The following FANCA variants were observed in gnomAD, a reference collection of about 807,000 sequenced individuals.
FANCA encodes the protein Fanconi anemia group A protein.
Under a neutral mutation model 194.3 loss-of-function variants are expected in FANCA, and 236 were observed. The ratio of observed to expected loss-of-function variants is 1.21; its 90% CI spans 1.09 to 1.35. The LOEUF is 1.35. Among genes scored for constraint, FANCA ranks in the 40% most tolerant of loss-of-function variants. The pLI, the probability that FANCA is intolerant of heterozygous loss-of-function variation, is 0.00. For synonymous variants in FANCA, 1,014 were observed against 715.8 expected, an observed-to-expected ratio of 1.42 and a Z score of -6.65; for missense variants, 2,628 against 1,813.9, an observed-to-expected ratio of 1.45 and a Z score of -8.15.
At position 89,738,492 on chromosome 16, in the gene FANCA, G is replaced by A. The variant is rs55679217; in HGVS notation, c.*109C>T. The A allele has an allele frequency of 6.5e-5, 100 of 1,529,682 alleles. No homozygotes were observed. In the East Asian group the frequency reaches 2.3e-3, roughly 35 times the overall value. The allele number at this position is 1,529,682 out of a possible 1,614,324, so 94.8% of individuals were successfully genotyped here. A position where few individuals can be genotyped will look rare whatever the true frequency, so the allele number is the denominator to read the frequency against. ...ATAATTGATTCCTTTCCCCACTAAA[G>A]CAGTCGAGGAGATTTGTAATCCACT... On this transcript the variant is annotated 3_prime_UTR_variant, in exon 43 of 43. Transcript: ENST00000389301.
At chr16:89,761,837 G>A (rs1250236337) in intron 29 of FANCA, 112 bp downstream of exon 29, 2 of 854,982 alleles carry the variant, frequency 2.3e-6, no homozygotes, top group East Asian at 2.4e-5. Flanking sequence ...TGTTGCCCAG[G>A]CTGACCTCAA....
intron 21 of FANCA, among the ~76,000 whole-genome samples, chr16:89,774,012 G>A (rs2039411366): frequency 6.6e-6 from 1 of 152,002 alleles, no homozygotes; most frequent in East Asian, 1.9e-4. Context: ...CTCATGATTT[G>A]CCCGCCTTGG....
rs371919426 is a variant in FANCA at position 89,778,865 on chromosome 16, G to A, written c.1777-15C>T. The A allele has an allele frequency of 5.6e-6, 9 of 1,613,950 alleles. No homozygotes were observed. In the Middle Eastern group the frequency reaches 1.2e-3, roughly 207 times the overall value. On this transcript the variant is annotated splice_polypyrimidine_tract_variant and intron_variant, in intron 19 of 42. Coordinates refer to ENST00000389301, the MANE Select transcript of FANCA (RefSeq NM_000135.4). ...ACTTTGGGGAGCTGTGGGAAGAGAA[G>A]AGACCTGTGAGAGACTGACAAGGAA...
chr16:89,793,600 C>G (rs931711519), intron 11 of FANCA, among the ~76,000 whole-genome samples: 2 of 152,092 alleles, frequency 1.3e-5, no homozygotes, highest in African/African-American at 4.8e-5. Context: ...TTGCCGCCCA[C>G]AGGTTTTGTT....
chr16:89,752,704 G>A (rs2038638647), intron 30 of FANCA, among the ~76,000 whole-genome samples: 1 of 152,236 alleles, frequency 6.6e-6, no homozygotes, highest in South Asian at 2.1e-4. Flanking sequence ...ATACTGAGGT[G>A]TGACCAGAAG....
At position 89,782,861 on chromosome 16, in the gene FANCA, C is replaced by T. The variant is rs2039767352; in HGVS notation, c.1624G>A (p.Glu542Lys). 14 of 1,612,478 alleles carry T rather than the reference C, an allele frequency of 8.7e-6. No homozygotes were observed. The highest frequency in any genetic ancestry group is 1.2e-5 in the Non-Finnish European group (14 of 1,178,580). Reference protein sequence around the residue: ...EDLSSAGDITEPHSQALQDVE... With the variant: ...EDLSSAGDITKPHSQALQDVE... Reference sequence around the variant, plus strand: ...CTGCAGGGCTCAAGCAACATTACCTCAGTAATGTCCCCAGCTGATGACAAA... The same window carrying T: ...CTGCAGGGCTCAAGCAACATTACCTTAGTAATGTCCCCAGCTGATGACAAA... The change falls in exon 17 of 43, where the codon GAG becomes AAG. Residue 542 changes from glutamate (E) to lysine (K), a missense_variant and splice_region_variant. Physicochemically the swap from Glu to Lys is moderately conservative, Grantham distance 56. Coordinates refer to ENST00000389301, the MANE Select transcript of FANCA (RefSeq NM_000135.4).
Position 89,737,969 on chromosome 16 carries a change from C to G in FANCA, c.*632G>C, listed in dbSNP as rs780907579. On this transcript the variant is annotated 3_prime_UTR_variant, in exon 43 of 43. Coordinates refer to ENST00000389301, the MANE Select transcript of FANCA (RefSeq NM_000135.4). Reference sequence around the variant, plus strand: ...CTCGCACCTTCTTATCTGCCTCTGTCCCCCAGGTGTGAGGTCTGTGGGTTC... The same window carrying G: ...CTCGCACCTTCTTATCTGCCTCTGTGCCCCAGGTGTGAGGTCTGTGGGTTC... 6.2e-7 allele frequency: 1 copy of G among 1,613,960 alleles called. No individual in the cohort carries two copies. The highest frequency in any genetic ancestry group is 8.5e-7 in the Non-Finnish European group (1 of 1,179,982).
rs369254325 is a variant in FANCA, at chr16:89,812,715, A to G, written c.284-1644T>C. The stretch of plus-strand genomic sequence containing the variant: ...CCTGTTATTGTAATGTACTGGCTCT[A>G]AAAACACATTATCAATACATAAGTA... On this transcript the variant is annotated intron_variant, in intron 3 of 42. Coordinates refer to ENST00000389301, the MANE Select transcript of FANCA (RefSeq NM_000135.4). 8.0e-5 allele frequency among the ~76,000 whole-genome samples: 12 copies of G among 150,788 alleles called. No individual in the cohort carries two copies. The East Asian group carries it at 2.0e-3, about 25-fold the overall frequency.
At chr16:89,741,250 C>G (rs1022458775) in intron 37 of FANCA, among the ~76,000 whole-genome samples, 1 of 152,196 alleles carries the variant, frequency 6.6e-6, no homozygotes, top group Non-Finnish European at 1.5e-5. Context: ...TAAAGTAGGG[C>G]CTGACTGGGC....
chr16:89,776,960 C>T (rs1314292805), intron 20 of FANCA, among the ~76,000 whole-genome samples: 7 of 152,076 alleles, frequency 4.6e-5, no homozygotes, highest in Non-Finnish European at 8.8e-5. Context: ...ATTTGTAATC[C>T]CAGCACTTTG....
chr16:89,814,697 C>A (rs1355907684), intron 2 of FANCA, 84 bp from the exon 3 acceptor site: 3 of 965,476 alleles, frequency 3.1e-6, no homozygotes, highest in African/African-American at 1.6e-5. Flanking sequence ...AATCCCAGTA[C>A]TTTGGGAGGC....
rs147112289 is a variant in FANCA, at chr16:89,756,171, T to C, written c.2981+2406A>G. Among the ~76,000 whole-genome samples, 26 of 152,306 alleles carry C rather than the reference T, an allele frequency of 1.7e-4. No individual in the cohort carries two copies. The East Asian group carries it at 4.8e-3, about 28-fold the overall frequency. Reference sequence around the variant, plus strand: ...AACCAGAACATTCTTATGCAGTACATGAATGTGACCCAGTTTTCAAATGGG... The same window carrying C: ...AACCAGAACATTCTTATGCAGTACACGAATGTGACCCAGTTTTCAAATGGG... On this transcript the variant is annotated intron_variant, in intron 30 of 42. Transcript: ENST00000389301.
chr16:89,801,998 G>A (rs2040472660), intron 8 of FANCA, among the ~76,000 whole-genome samples: 1 of 152,174 alleles, frequency 6.6e-6, no homozygotes, highest in African/African-American at 2.4e-5. Flanking sequence ...AGAGACATCT[G>A]TACTCCTACA....
At position 89,742,844 on chromosome 16, in the gene FANCA, T is replaced by C; in HGVS notation, c.3721A>G (p.Asn1241Asp). ...HFAIQQVREE[N>D]IRKQLKKLDC... is the part of the protein sequence containing the mutation. ...AGCTTCTTTAGCTGCTTCCTGATGT[T>C]TTCTTCCCTGACTTGTTGAATCGCA... The change falls in exon 37 of 43, where the codon AAC (asparagine) becomes GAC (aspartate). Residue 1241 changes from asparagine (N) to aspartate (D), a missense_variant. By Grantham distance (23) the Asn-to-Asp change is conservative. Coordinates refer to ENST00000389301, the MANE Select transcript of FANCA (RefSeq NM_000135.4). 5 of 1,614,148 alleles carry C rather than the reference T, an allele frequency of 3.1e-6. No homozygotes were observed. Among genetic ancestry groups the C allele is most frequent in the African/African-American group, 2.7e-5 (2 of 75,042 alleles).
At chr16:89,798,813 G>A (rs1375927149) in intron 10 of FANCA, 107 of 1,449,280 alleles carry the variant, frequency 7.4e-5, no homozygotes, top group Non-Finnish European at 9.2e-5. Flanking sequence ...CTGAGAGGCA[G>A]GGCCAGCTCT....
rs1337692923 is a variant in FANCA at position 89,748,697 on chromosome 16, T to C, written c.3310A>G (p.Arg1104Gly). ...ACCAAGTGGAAGAACTGCTCGCATC[T>C]GGCAGTGATGGGCTGTTCTGCCTGG... ...SFQAEQPITA[R>G]CEQFFHLVNS... is the part of the protein sequence containing the mutation. Residue 1104 changes from arginine (R) to glycine (G), a missense_variant, in exon 33 of 43, where the codon AGA becomes GGA. Coordinates refer to ENST00000389301, the MANE Select transcript of FANCA (RefSeq NM_000135.4). The C allele has an allele frequency of 6.2e-7, 1 of 1,614,030 alleles. No homozygotes were observed. The highest frequency in any genetic ancestry group is 8.5e-7 in the Non-Finnish European group (1 of 1,180,024).
In FANCA at chr16:89,742,892, G is replaced by C. The variant is rs1363758708; in HGVS notation, c.3673C>G (p.Leu1225Val). ...AASPAPNPDW[L>V]SAAALHFAIQ... ...GCAAAGTGCAGTGCAGCAGCTGAGA[G>C]CCAGTCCGGGTTGGGTGCTGGGGAG... Residue 1225 changes from leucine (L) to valine (V), a missense_variant, in exon 37 of 43, where the codon CTC (leucine) becomes GTC (valine). By Grantham distance (32) the Leu-to-Val change is conservative. Coordinates refer to ENST00000389301, the MANE Select transcript of FANCA (RefSeq NM_000135.4). The C allele has an allele frequency of 1.2e-6, 2 of 1,614,066 alleles. No homozygotes were observed. Among genetic ancestry groups the C allele is most frequent in the East Asian group, 4.5e-5 (2 of 44,900 alleles).
intron 10 of FANCA, among the ~76,000 whole-genome samples, chr16:89,797,284 T>C (rs558946886): frequency 4.1e-4 from 62 of 152,128 alleles, no homozygotes; most frequent in African/African-American, 1.4e-3. Context: ...TAAACCGAGA[T>C]CGTGCCACTG....
At chr16:89,798,784 G>A in intron 10 of FANCA, 2 of 1,419,308 alleles carry the variant, frequency 1.4e-6, no homozygotes, top group East Asian at 2.6e-5. Flanking sequence ...GCTACAGTGT[G>A]TTCTAGAAAT....
Sources: gnomAD v4.1 joint callset for allele counts (sites outside exome capture counted in the v4.1 genomes callset) on GRCh38, gnomAD v4.1.1 for gene constraint, MANE v1.5 for transcripts, NCBI Gene and HGNC (gene_info 2026-07-23, HGNC 2026-07-21) for gene names.